The following ZKSCAN5 variants were observed in gnomAD, a reference collection of about 807,000 sequenced individuals.
ZKSCAN5 encodes the protein zinc finger with KRAB and SCAN domains 5.
A neutral mutation model predicts 60.0 loss-of-function variants in ZKSCAN5; 28 were observed. The ratio of observed to expected loss-of-function variants is 0.47; its 90% CI spans 0.35 to 0.64. The LOEUF is 0.64. Ranked by LOEUF, ZKSCAN5 falls within the 30% of genes least tolerant of loss-of-function variation. The pLI is 0.01. For missense variants in ZKSCAN5, 881 were observed against 1,034.6 expected, an observed-to-expected ratio of 0.85 and a Z score of 2.04; for synonymous variants, 361 against 371.2, an observed-to-expected ratio of 0.97 and a Z score of 0.31.
Position 99,531,891 on chromosome 7 carries a change from T to A in ZKSCAN5, c.2162T>A (p.Ile721Asn). Residue 721 changes from isoleucine (I) to asparagine (N), a missense_variant, in exon 7 of 7, where the codon ATC (isoleucine) becomes AAC (asparagine). By Grantham distance (149) the Ile-to-Asn change is moderately radical (BLOSUM62 -3). Around this residue, in one of 5 missense-constraint regions of ZKSCAN5, gnomAD observed 138 missense variants for 143.8 expected, o/e 0.96. Transcript: ENST00000326775. ...CAAGAGCAGCCTTATCAGTGTGATA[T>A]CTGTGGAAAAGCCTTTGGTTATAGC... ...ELQEQPYQCD[I>N]CGKAFGYSSD... 1 of 1,614,160 alleles carries A rather than the reference T, an allele frequency of 6.2e-7. No individual in the cohort carries two copies. The highest frequency in any genetic ancestry group is 8.5e-7 in the Non-Finnish European group (1 of 1,180,040).
At chr7:99,507,565 G>GTA (rs776829071) in intron 2 of ZKSCAN5, among the ~76,000 whole-genome samples, 14 of 146,218 alleles carry the variant, frequency 9.6e-5, no homozygotes, top group East Asian at 2.1e-4. Flanking sequence ...ATATATATGT[G>GTA]TATATATATG....
chr7:99,518,123 A>T (rs1353630567), intron 3 of ZKSCAN5, among the ~76,000 whole-genome samples: 1 of 151,998 alleles, frequency 6.6e-6, no homozygotes, highest in East Asian at 1.9e-4. Context: ...ATTACCTGGG[A>T]GCTTATTAGA....
At chr7:99,514,617 CA>C (rs1327471928) in intron 3 of ZKSCAN5, among the ~76,000 whole-genome samples, 5 of 149,732 alleles carry the variant, frequency 3.3e-5, no homozygotes. Flanking sequence ...ACAAAAAATA[CA>C]AAAATTGGCC....
intron 6 of ZKSCAN5, among the ~76,000 whole-genome samples, chr7:99,528,167 G>A (rs1801887596): frequency 1.4e-5 from 2 of 139,870 alleles, no homozygotes; most frequent in South Asian, 4.4e-4. Context: ...TTACAGCCAC[G>A]CTGCATCTTC....
chr7:99,512,508 A>G lies in ZKSCAN5; in HGVS notation c.470A>G (p.Gln157Arg), dbSNP rs1364550873. ...PRKMATPGAV[Q>R]ESCSPHPLTV... ...AAGATGGCAACACCTGGAGCAGTGCAGGAGTCCTGCAGCCCCCATCCCCTG... is the reference window on the plus strand; with the variant it reads ...AAGATGGCAACACCTGGAGCAGTGCGGGAGTCCTGCAGCCCCCATCCCCTG... The change falls in exon 3 of 7, where the codon CAG becomes CGG. Residue 157 changes from glutamine (Q) to arginine (R), a missense_variant. Physicochemically the swap from Gln to Arg is conservative, Grantham distance 43. Around this residue, in one of 5 missense-constraint regions of ZKSCAN5, gnomAD observed 490 missense variants for 554.5 expected, o/e 0.88. Transcript: ENST00000326775. 6.2e-7 allele frequency: 1 copy of G among 1,614,006 alleles called. No individual in the cohort carries two copies. The highest frequency in any genetic ancestry group is 1.3e-5 in the African/African-American group (1 of 74,926).
intron 2 of ZKSCAN5, among the ~76,000 whole-genome samples, chr7:99,510,773 T>G (rs1386654499): frequency 6.6e-6 from 1 of 151,564 alleles, no homozygotes; most frequent in Non-Finnish European, 1.5e-5. Flanking sequence ...GACAGAATCT[T>G]GCTCTGTCAC....
chr7:99,520,074 C>T (rs1801458371), intron 4 of ZKSCAN5, 95 bp from the exon 5 acceptor site: 1 of 1,541,964 alleles, frequency 6.5e-7, no homozygotes, highest in African/African-American at 1.4e-5. Flanking sequence ...GGCACAGTTC[C>T]TCCCCCTGTT....
At chr7:99,507,491 G>C (rs1313456135) in intron 2 of ZKSCAN5, among the ~76,000 whole-genome samples, 1 of 142,648 alleles carries the variant, frequency 7.0e-6, no homozygotes, top group Non-Finnish European at 1.5e-5. Context: ...GTGTATATAT[G>C]TATATATGTG....
At chr7:99,523,364 G>A (rs963727139) in intron 5 of ZKSCAN5, among the ~76,000 whole-genome samples, 1 of 151,878 alleles carries the variant, frequency 6.6e-6, no homozygotes, top group South Asian at 2.1e-4. Flanking sequence ...ACTCATGCCT[G>A]TAATCTCAGC....
chr7:99,516,929 A>G (rs1268295566), intron 3 of ZKSCAN5, among the ~76,000 whole-genome samples: 1 of 152,150 alleles, frequency 6.6e-6, no homozygotes, highest in African/African-American at 2.4e-5. Flanking sequence ...TGCCCTTCCC[A>G]TTAGACCAAG....
At chr7:99,526,947 G>A (rs532457748) in intron 6 of ZKSCAN5, among the ~76,000 whole-genome samples, 6 of 152,264 alleles carry the variant, frequency 3.9e-5, no homozygotes, top group African/African-American at 1.4e-4. Context: ...GTTATCTGTT[G>A]ACTTTCTATG....
intron 2 of ZKSCAN5, among the ~76,000 whole-genome samples, chr7:99,508,836 C>T (rs1474902467): frequency 1.5e-5 from 2 of 135,402 alleles, no homozygotes; most frequent in African/African-American, 2.8e-5. Flanking sequence ...TTTTTGGAGA[C>T]AAGGTCTTAC....
chr7:99,516,102 C>T (rs564324353), intron 3 of ZKSCAN5, among the ~76,000 whole-genome samples: 65 of 152,172 alleles, frequency 4.3e-4, no homozygotes, highest in Non-Finnish European at 7.6e-4. Context: ...CTCAGCCTCC[C>T]GAGTAGCTGG....
In ZKSCAN5 at chr7:99,531,822, A is replaced by G. The variant is rs142669857; in HGVS notation, c.2093A>G (p.Tyr698Cys). ...AAAAATGGCATCTGTGAGGAAGCAT[A>G]TAGTTGGAACTTGACAGTGATTGAA... ...NEKNGICEEA[Y>C]SWNLTVIEDK... The change falls in exon 7 of 7, where the codon TAT (tyrosine) becomes TGT (cysteine). Residue 698 changes from tyrosine to cysteine, a missense_variant. Around this residue, in one of 5 missense-constraint regions of ZKSCAN5, gnomAD observed 112 missense variants for 182.4 expected, o/e 0.61. Transcript: ENST00000326775. 27 of 1,614,106 alleles carry G rather than the reference A, an allele frequency of 1.7e-5. No homozygotes were observed. Among genetic ancestry groups the G allele is most frequent in the Non-Finnish European group, 2.1e-5 (25 of 1,180,056 alleles).
intron 3 of ZKSCAN5, among the ~76,000 whole-genome samples, chr7:99,519,035 G>A (rs1478214836): frequency 6.7e-6 from 1 of 150,128 alleles, no homozygotes; most frequent in East Asian, 2.0e-4. Context: ...GAGTGCAGTG[G>A]CACGATCTTG....
intron 2 of ZKSCAN5, 48 bp from the exon 3 acceptor site, chr7:99,512,405 G>A (rs753641429): frequency 7.7e-6 from 12 of 1,564,676 alleles, no homozygotes; most frequent in South Asian, 1.2e-5. Flanking sequence ...GATTTCTTTC[G>A]TGGCCTTCTC....
At chr7:99,512,614 A>G in intron 3 of ZKSCAN5, 23 bp downstream of exon 3, 1 of 1,610,888 alleles carries the variant, frequency 6.2e-7, no homozygotes, top group Non-Finnish European at 8.5e-7. Context: ...GATTCAGTGG[A>G]ACTGATATAG....
In ZKSCAN5 at chr7:99,532,655, C is replaced by T. The variant is rs187718457; in HGVS notation, c.*406C>T. 15 of 165,194 alleles carry T rather than the reference C, an allele frequency of 9.1e-5. No homozygotes were observed. Among genetic ancestry groups the T allele is most frequent in the Non-Finnish European group, 1.6e-4 (12 of 76,372 alleles). 10.2% of individuals were successfully genotyped at this position (165,194 alleles called of 1,614,324 possible). On this transcript the variant is annotated 3_prime_UTR_variant, in exon 7 of 7. Coordinates refer to ENST00000326775, the MANE Select transcript of ZKSCAN5 (RefSeq NM_145102.4). Reference sequence around the variant, plus strand: ...TTGACGGCGTATCTATTCAGGGAAGCGCACAGTAAAAGAATTCCTTAGCAT... The same window carrying T: ...TTGACGGCGTATCTATTCAGGGAAGTGCACAGTAAAAGAATTCCTTAGCAT...
intron 1 of ZKSCAN5, 164 bp downstream of exon 1, chr7:99,504,897 C>T (rs1257644716): frequency 6.5e-6 from 1 of 153,728 alleles, no homozygotes; most frequent in Non-Finnish European, 1.4e-5. Flanking sequence ...GGCGCAAGCT[C>T]CCCGGCCAAT....
Sources: allele counts gnomAD v4.1 joint callset (sites outside exome capture counted in the v4.1 genomes callset), GRCh38; gene constraint gnomAD v4.1.1; regional missense constraint gnomAD v4.1.1; transcripts MANE v1.5; gene names NCBI Gene and HGNC (gene_info 2026-07-23, HGNC 2026-07-21).